Variants in CADM1 observed in about 807,000 individuals in gnomAD.
CADM1 encodes cell adhesion molecule 1, also known as TSLC-1.
In CADM1, 15 loss-of-function variants were observed where a neutral mutation model predicts 53.1. The observed-to-expected ratio is 0.28, with a 90% CI of 0.19 to 0.44. The LOEUF is 0.44. Among genes scored for constraint, CADM1 ranks in the 20% least tolerant of loss-of-function variants. CADM1 has a pLI of 1.00. For synonymous variants in CADM1, 281 were observed against 243.0 expected, an observed-to-expected ratio of 1.16 and a Z score of -1.45; for missense variants, 434 against 611.3, an observed-to-expected ratio of 0.71 and a Z score of 3.06.
At chr11:115,465,699 A>T (rs1327977785) in intron 1 of CADM1, among the ~76,000 whole-genome samples, 1 of 152,182 alleles carries the variant, frequency 6.6e-6, no homozygotes, top group African/African-American at 2.4e-5. Context: ...ACAGATTTTA[A>T]TCCTGAAGAG....
rs749589916 is a variant in CADM1 at position 115,250,306 on chromosome 11, C to T, written c.125-9886G>A. Among the ~76,000 whole-genome samples, 30 of 152,224 alleles carry T rather than the reference C, an allele frequency of 2.0e-4. 1 individual carries two copies. Among genetic ancestry groups the T allele is most frequent in the Non-Finnish European group, 4.1e-4 (28 of 68,014 alleles). On this transcript the variant is annotated intron_variant, in intron 1 of 11. Coordinates refer to ENST00000331581, the MANE Select transcript of CADM1 (RefSeq NM_001301043.2). ...ATGTATTTCCCTTATTTTATATATC[C>T]TAATTTTAAGTACCCAATTTAATAT...
chr11:115,285,867 G>A (rs547432137), intron 1 of CADM1, among the ~76,000 whole-genome samples: 29 of 152,268 alleles, frequency 1.9e-4, no homozygotes, highest in South Asian at 1.4e-3. Flanking sequence ...GCCCCGCCAA[G>A]AGCCTGAAAC....
intron 1 of CADM1, among the ~76,000 whole-genome samples, chr11:115,442,861 T>C (rs920979770): frequency 2.0e-5 from 3 of 152,204 alleles, no homozygotes; most frequent in Non-Finnish European, 2.9e-5. Flanking sequence ...ATACATGATT[T>C]AACACCTTTT....
chr11:115,464,954 T>C (rs1948867848), intron 1 of CADM1, among the ~76,000 whole-genome samples: 1 of 152,214 alleles, frequency 6.6e-6, no homozygotes, highest in Non-Finnish European at 1.5e-5. Flanking sequence ...GGCACTCCTA[T>C]CTACTGGGCA....
chr11:115,455,323 T>TG (rs1371687550), intron 1 of CADM1, among the ~76,000 whole-genome samples: 1 of 151,458 alleles, frequency 6.6e-6, no homozygotes, highest in Non-Finnish European at 1.5e-5. Flanking sequence ...CAGTGAGTTT[T>TG]GGGAAAAAAA....
At chr11:115,260,415 C>T (rs1384241309) in intron 1 of CADM1, among the ~76,000 whole-genome samples, 1 of 152,252 alleles carries the variant, frequency 6.6e-6, no homozygotes, top group Non-Finnish European at 1.5e-5. Context: ...TGTAACAGAA[C>T]TCTCAATGGT....
chr11:115,329,656 A>G (rs1263437533), intron 1 of CADM1, among the ~76,000 whole-genome samples: 1 of 152,126 alleles, frequency 6.6e-6, no homozygotes, highest in Non-Finnish European at 1.5e-5. Context: ...TCTGCTGTCC[A>G]CAGACAGCTT....
intron 1 of CADM1, among the ~76,000 whole-genome samples, chr11:115,492,612 C>T (rs992952343): frequency 1.1e-4 from 16 of 151,892 alleles, no homozygotes; most frequent in Non-Finnish European, 2.4e-4. Context: ...AAAAATCCTG[C>T]GCTCTACTTG....
intron 4 of CADM1, among the ~76,000 whole-genome samples, chr11:115,230,739 A>C (rs1404097951): frequency 6.6e-6 from 1 of 152,202 alleles, no homozygotes; most frequent in Non-Finnish European, 1.5e-5. Context: ...CTGCATAAGA[A>C]CAGACTGGTG....
At chr11:115,216,803 C>G (rs1322204034) in intron 6 of CADM1, among the ~76,000 whole-genome samples, 1 of 152,110 alleles carries the variant, frequency 6.6e-6, no homozygotes, top group Non-Finnish European at 1.5e-5. Context: ...AGGCAGAGCC[C>G]CCTTTGGCTT....
Position 115,174,882 on chromosome 11 carries a change from G to A in CADM1, c.*1592C>T, listed in dbSNP as rs1442193377. On this transcript the variant is annotated 3_prime_UTR_variant, in exon 12 of 12. Transcript: ENST00000331581. Reference sequence around the variant, plus strand: ...AGGACTACTTCTAGATTTCCTAGACGTTTCAGTGAAAATCCCCACACTTCT... The same window carrying A: ...AGGACTACTTCTAGATTTCCTAGACATTTCAGTGAAAATCCCCACACTTCT... The A allele has an allele frequency of 4.1e-6, 4 of 985,482 alleles. No individual in the cohort carries two copies. The highest frequency in any genetic ancestry group is 3.5e-5 in the African/African-American group (2 of 57,152). The allele number at this position is 985,482 out of a possible 1,614,324, so 61.0% of individuals were successfully genotyped here.
chr11:115,321,260 A>C (rs1269083067), intron 1 of CADM1, among the ~76,000 whole-genome samples: 1 of 152,216 alleles, frequency 6.6e-6, no homozygotes, highest in African/African-American at 2.4e-5. Flanking sequence ...GAGTTGCAAG[A>C]TTGGTAAGAA....
intron 1 of CADM1, among the ~76,000 whole-genome samples, chr11:115,281,433 A>C (rs913029065): frequency 6.6e-6 from 1 of 152,234 alleles, no homozygotes; most frequent in Non-Finnish European, 1.5e-5. Context: ...AGAAAAATAG[A>C]TTTTTAAAAC....
intron 1 of CADM1, among the ~76,000 whole-genome samples, chr11:115,454,703 C>T (rs1420450812): frequency 2.0e-5 from 3 of 152,302 alleles, no homozygotes; most frequent in African/African-American, 7.2e-5. Flanking sequence ...ATTCTCCCAT[C>T]CATGGGCAAG....
intron 1 of CADM1, among the ~76,000 whole-genome samples, chr11:115,491,228 GA>G (rs1410561733): frequency 6.6e-6 from 1 of 152,112 alleles, no homozygotes; most frequent in African/African-American, 2.4e-5. Flanking sequence ...TATATTGTAT[GA>G]AAAGGGCAAT....
intron 1 of CADM1, among the ~76,000 whole-genome samples, chr11:115,436,955 T>C (rs1421426437): frequency 6.6e-6 from 1 of 152,208 alleles, no homozygotes; most frequent in Admixed American, 6.5e-5. Flanking sequence ...AAGAGTAAAG[T>C]GAACAAAGTT....
chr11:115,502,207 G>A (rs1369621434), intron 1 of CADM1, among the ~76,000 whole-genome samples: 1 of 151,976 alleles, frequency 6.6e-6, no homozygotes, highest in Non-Finnish European at 1.5e-5. Context: ...TGCCTTCAAT[G>A]AGCAGTCTTG....
At chr11:115,498,549 T>C (rs567190311) in intron 1 of CADM1, among the ~76,000 whole-genome samples, 1 of 152,356 alleles carries the variant, frequency 6.6e-6, no homozygotes, top group Non-Finnish European at 1.5e-5. Flanking sequence ...ACTGCATATT[T>C]ACACAACTGT....
chr11:115,498,741 GC>G (rs1949673753), intron 1 of CADM1, among the ~76,000 whole-genome samples: 1 of 152,142 alleles, frequency 6.6e-6, no homozygotes, highest in Non-Finnish European at 1.5e-5. Flanking sequence ...TAAAGCTAAG[GC>G]AAAAATTCGG....
Sources: allele counts gnomAD v4.1 joint callset (sites outside exome capture counted in the v4.1 genomes callset), GRCh38; gene constraint gnomAD v4.1.1; transcripts MANE v1.5; gene names NCBI Gene and HGNC (gene_info 2026-07-23, HGNC 2026-07-21).